The following PLCB1 variants were observed in gnomAD, a reference collection of about 807,000 sequenced individuals.
The protein encoded by PLCB1 is 1-phosphatidylinositol 4,5-bisphosphate phosphodiesterase beta-1.
In PLCB1, 46 loss-of-function variants were observed where a neutral mutation model predicts 161.8. That is an observed-to-expected ratio of 0.28 (90% CI 0.22 to 0.36). The LOEUF is 0.36. Ranked by LOEUF, PLCB1 falls within the 10% of genes least tolerant of loss-of-function variation. The pLI is 1.00. For synonymous variants in PLCB1, 517 were observed against 503.7 expected, an observed-to-expected ratio of 1.03 and a Z score of -0.35; for missense variants, 1,016 against 1,472.5, an observed-to-expected ratio of 0.69 and a Z score of 5.07.
intron 3 of PLCB1, among the ~76,000 whole-genome samples, chr20:8,578,382 G>A (rs1986738639): frequency 6.6e-6 from 1 of 152,052 alleles, no homozygotes; most frequent in Non-Finnish European, 1.5e-5. Context: ...AATGAGTGAA[G>A]GAAACAAAGC....
chr20:8,431,713 A>G (rs1016294665), intron 3 of PLCB1, among the ~76,000 whole-genome samples: 1 of 152,198 alleles, frequency 6.6e-6, no homozygotes, highest in African/African-American at 2.4e-5. Flanking sequence ...ACAATAGTGT[A>G]AAGTTTTCTA....
chr20:8,576,092 A>T (rs1986665069), intron 3 of PLCB1, among the ~76,000 whole-genome samples: 1 of 152,228 alleles, frequency 6.6e-6, no homozygotes, highest in Non-Finnish European at 1.5e-5. Flanking sequence ...CTTAGAAAAT[A>T]TAATTTCTGT....
At chr20:8,834,254 C>T (rs1986167283) in intron 31 of PLCB1, among the ~76,000 whole-genome samples, 5 of 151,696 alleles carry the variant, frequency 3.3e-5, no homozygotes, top group Admixed American at 3.3e-4. Context: ...TAAAAAGAAA[C>T]TACAGAGAAT....
chr20:8,256,197 A>T (rs1206432914), intron 2 of PLCB1, among the ~76,000 whole-genome samples: 3 of 152,080 alleles, frequency 2.0e-5, no homozygotes, highest in Non-Finnish European at 4.4e-5. Flanking sequence ...TCTGTTAACT[A>T]TTGCTATATA....
At chr20:8,841,382 G>T (rs1288806143) in intron 31 of PLCB1, among the ~76,000 whole-genome samples, 1 of 152,142 alleles carries the variant, frequency 6.6e-6, no homozygotes, top group Non-Finnish European at 1.5e-5. Context: ...TTAAAGAACA[G>T]AATGCTTTAT....
intron 3 of PLCB1, among the ~76,000 whole-genome samples, chr20:8,482,836 G>A (rs897344636): frequency 3.9e-5 from 6 of 152,190 alleles, no homozygotes; most frequent in Middle Eastern, 3.4e-3. Flanking sequence ...GTCACAGAAT[G>A]TGAGGGTATT....
intron 9 of PLCB1, among the ~76,000 whole-genome samples, chr20:8,664,394 T>C (rs1989758338): frequency 6.6e-6 from 1 of 152,136 alleles, no homozygotes; most frequent in Non-Finnish European, 1.5e-5. Flanking sequence ...AGCAAGTGCT[T>C]TAGCTTTTTT....
At chr20:8,489,790 AT>A (rs754467341) in intron 3 of PLCB1, among the ~76,000 whole-genome samples, 26 of 152,234 alleles carry the variant, frequency 1.7e-4, no homozygotes, top group Non-Finnish European at 3.5e-4. Context: ...GTAAAAGAGC[AT>A]TTTAACTTGA....
intron 2 of PLCB1, among the ~76,000 whole-genome samples, chr20:8,303,029 T>C (rs1490313389): frequency 1.3e-5 from 2 of 152,216 alleles, no homozygotes; most frequent in Non-Finnish European, 2.9e-5. Flanking sequence ...CAAAGCTTTG[T>C]GTACTTCCAG....
chr20:8,322,342 A>G (rs6086404), intron 2 of PLCB1, among the ~76,000 whole-genome samples: 1 of 152,130 alleles, frequency 6.6e-6, no homozygotes, highest in Non-Finnish European at 1.5e-5. Flanking sequence ...TGATATTTTC[A>G]TTCTGTCCTT....
At chr20:8,373,244 C>T (rs1025536543) in intron 3 of PLCB1, among the ~76,000 whole-genome samples, 2 of 152,110 alleles carry the variant, frequency 1.3e-5, no homozygotes, top group African/African-American at 4.8e-5. Flanking sequence ...CTCCTGGCTT[C>T]CTTTTTTTCC....
intron 3 of PLCB1, among the ~76,000 whole-genome samples, chr20:8,448,586 A>G (rs1600408271): frequency 6.6e-6 from 1 of 152,032 alleles, no homozygotes; most frequent in African/African-American, 2.4e-5. Context: ...TTCCAACACC[A>G]GGGTTCCTTT....
At chr20:8,319,656 T>C (rs754525915) in intron 2 of PLCB1, among the ~76,000 whole-genome samples, 1 of 152,122 alleles carries the variant, frequency 6.6e-6, no homozygotes, top group Non-Finnish European at 1.5e-5. Context: ...ACAAGCTGAC[T>C]TGGAACAGTT....
chr20:8,320,854 A>G (rs1294182765), intron 2 of PLCB1, among the ~76,000 whole-genome samples: 1 of 150,552 alleles, frequency 6.6e-6, no homozygotes, highest in African/African-American at 2.5e-5. Context: ...AGGGAGGGAA[A>G]GAGAGAGAAA....
intron 25 of PLCB1, among the ~76,000 whole-genome samples, chr20:8,761,513 A>ATGGTT (rs1242518062): frequency 1.3e-5 from 2 of 152,136 alleles, no homozygotes; most frequent in African/African-American, 4.8e-5. Flanking sequence ...AAAACAAAAC[A>ATGGTT]TGGTTTGGTT....
chr20:8,480,130 A>G (rs966776706), intron 3 of PLCB1, among the ~76,000 whole-genome samples: 30 of 152,248 alleles, frequency 2.0e-4, no homozygotes, highest in Admixed American at 2.0e-3. Flanking sequence ...TTAAAGGTGC[A>G]GCATTAGAAC....
chr20:8,157,689 GTTC>G (rs1600205087), intron 2 of PLCB1, among the ~76,000 whole-genome samples: 1 of 152,180 alleles, frequency 6.6e-6, no homozygotes, highest in East Asian at 1.9e-4. Flanking sequence ...TCATTTACAA[GTTC>G]TTCTTAGAGG....
chr20:8,780,020 T>C (rs1983134874), intron 27 of PLCB1, among the ~76,000 whole-genome samples: 1 of 152,202 alleles, frequency 6.6e-6, no homozygotes, highest in Non-Finnish European at 1.5e-5. Flanking sequence ...ATGAACAGCT[T>C]GGGGGTCTGT....
intron 3 of PLCB1, among the ~76,000 whole-genome samples, chr20:8,460,968 C>T (rs1981548802): frequency 6.6e-6 from 1 of 152,196 alleles, no homozygotes; most frequent in Non-Finnish European, 1.5e-5. Context: ...TGCTTCATAT[C>T]TGTGCCATCC....
Sources: allele counts gnomAD v4.1 joint callset (sites outside exome capture counted in the v4.1 genomes callset), GRCh38; gene constraint gnomAD v4.1.1; transcripts MANE v1.5; gene names NCBI Gene and HGNC (gene_info 2026-07-23, HGNC 2026-07-21).